ITIH4: variants seen among roughly 807,000 people sequenced by gnomAD.
ITIH4 encodes inter-alpha-trypsin inhibitor heavy chain H4.
Under a neutral mutation model 111.8 loss-of-function variants are expected in ITIH4, and 79 were observed. That is an observed-to-expected ratio of 0.71 (90% CI 0.59 to 0.85). The LOEUF (loss-of-function observed/expected upper bound fraction) is 0.85, where lower values mean the gene tolerates loss of function less well. Among genes scored for constraint, ITIH4 ranks in the 40% least tolerant of loss-of-function variants. The pLI is 0.00. For missense variants in ITIH4, 1,065 were observed against 1,195.8 expected, an observed-to-expected ratio of 0.89 and a Z score of 1.61; for synonymous variants, 472 against 468.3, an observed-to-expected ratio of 1.01 and a Z score of -0.10.
At chr3:52,820,443 AG>A (rs1220495567) in intron 13 of ITIH4, 126 bp from the exon 14 acceptor site, 2 of 1,201,958 alleles carry the variant, frequency 1.7e-6, no homozygotes, top group East Asian at 2.5e-5. Flanking sequence ...ACTATATCGT[AG>A]GTGCAATGAA....
Position 52,829,261 on chromosome 3 carries a change from T to C in ITIH4, c.109A>G (p.Ser37Gly). The change falls in exon 2 of 24, where the codon AGC (serine) becomes GGC (glycine). Residue 37 changes from serine (S) to glycine (G), a missense_variant. By Grantham distance (56) the Ser-to-Gly change is moderately conservative (BLOSUM62 0). Transcript: ENST00000266041. Reference sequence around the variant, plus strand: ...GAGACCCTGGAGTCCACGGTGAGGCTGTAGATGTCGATGCCATTCTGGACC... The same window carrying C: ...GAGACCCTGGAGTCCACGGTGAGGCCGTAGATGTCGATGCCATTCTGGACC... ...TAEKNGIDIY[S>G]LTVDSRVSSR... 2.5e-6 allele frequency: 4 copies of C among 1,611,384 alleles called. No homozygotes were observed. In the South Asian group the frequency reaches 3.3e-5, roughly 13 times the overall value.
At chr3:52,828,778 G>C (rs1700522734) in intron 2 of ITIH4, among the ~76,000 whole-genome samples, 1 of 152,306 alleles carries the variant, frequency 6.6e-6, no homozygotes, top group South Asian at 2.1e-4. Context: ...CTTTGAGCTG[G>C]AATGTGCATT....
At chr3:52,823,497 C>G in intron 11 of ITIH4, 59 bp downstream of exon 11, 1 of 1,447,654 alleles carries the variant, frequency 6.9e-7, no homozygotes, top group South Asian at 1.3e-5. Context: ...AGTCCAGCCC[C>G]TCTGGCTGCA....
chr3:52,825,370 G>A (rs1197351599), intron 6 of ITIH4: 1 of 154,604 alleles, frequency 6.5e-6, no homozygotes. Context: ...GGGAGGCTTA[G>A]GTGGGAGGAT....
Position 52,818,138 on chromosome 3 carries a change from G to A in ITIH4, c.2210C>T (p.Pro737Leu), listed in dbSNP as rs774518398. The A allele has an allele frequency of 2.5e-6, 4 of 1,613,202 alleles. No homozygotes were observed. Among genetic ancestry groups the A allele is most frequent in the Non-Finnish European group, 3.4e-6 (4 of 1,179,582 alleles). Residue 737 changes from proline to leucine, a missense_variant, in exon 20 of 24, where the codon CCA becomes CTA. Transcript: ENST00000266041. ...APIQAPSAIL[P>L]LPGQSVERLC... is the part of the protein sequence containing the mutation. ...CCGCTCCACACTCTGCCCAGGCAGT[G>A]GCAGGATGGCAGAGGGAGCCTGTAT... is the stretch of plus-strand genomic sequence containing the variant.
rs1700458288 is a variant in ITIH4, at chr3:52,824,878, G to A, written c.840C>T (p.Asp280=). 2 of 1,614,084 alleles carry A rather than the reference G, an allele frequency of 1.2e-6. No individual in the cohort carries two copies. The highest frequency in any genetic ancestry group is 2.7e-5 in the African/African-American group (2 of 75,060). ...TCCTGCCACTCATGGAGCCGCTCTT[G>A]TCAATGACAAAGACCACATTCTTGG... ...TMPKNVVFVI[D]KSGSMSGRKI... The change falls in exon 7 of 24, where the codon GAC becomes GAT. Residue 280 remains aspartate, a synonymous_variant. Transcript: ENST00000266041. The surrounding 1 kb of genome is among the most constrained non-coding windows in gnomAD (Gnocchi z 4.3).
Position 52,818,118 on chromosome 3 carries a change from C to G in ITIH4, c.2230G>C (p.Glu744Gln), listed in dbSNP as rs759559005. The G allele has an allele frequency of 1.9e-6, 3 of 1,613,884 alleles. No homozygotes were observed. The South Asian group carries it at 3.3e-5, about 18-fold the overall frequency. ...TGTCTGGGGTCCACACAGAGCCGCT[C>G]CACACTCTGCCCAGGCAGTGGCAGG... ...AILPLPGQSV[E>Q]RLCVDPRHRQ... Residue 744 changes from glutamate (E) to glutamine (Q), a missense_variant, in exon 20 of 24, where the codon GAG becomes CAG. Physicochemically the swap from Glu to Gln is conservative, Grantham distance 29 (BLOSUM62 2). Transcript: ENST00000266041.
At chr3:52,817,529 C>G (rs964697293) in intron 20 of ITIH4, among the ~76,000 whole-genome samples, 1 of 152,244 alleles carries the variant, frequency 6.6e-6, no homozygotes, top group African/African-American at 2.4e-5. Context: ...CTGGGCGGTG[C>G]GGGGGTGAGC....
Position 52,826,536 on chromosome 3 carries a change from C to T in ITIH4, c.630+5G>A. ...ACCCTCACCTGCTGACCACAACAGG[C>T]CCACCTTGGTCTTATTCTGCCAGGT... On this transcript the variant is annotated splice_donor_5th_base_variant and intron_variant, in intron 5 of 23. Transcript: ENST00000266041. 1 of 1,608,146 alleles carries T rather than the reference C, an allele frequency of 6.2e-7. No homozygotes were observed. The highest frequency in any genetic ancestry group is 8.5e-7 in the Non-Finnish European group (1 of 1,174,644).
At chr3:52,817,936 T>A in intron 20 of ITIH4, 116 bp downstream of exon 20, 1 of 815,674 alleles carries the variant, frequency 1.2e-6, no homozygotes, top group Non-Finnish European at 2.1e-6. Context: ...AGGACCATGC[T>A]ATGATCTGGG....
In ITIH4 at chr3:52,817,017, A is replaced by G; in HGVS notation, c.2338T>C (p.Phe780Leu). 1 of 1,613,640 alleles carries G rather than the reference A, an allele frequency of 6.2e-7. No individual in the cohort carries two copies. Among genetic ancestry groups the G allele is most frequent in the Non-Finnish European group, 8.5e-7 (1 of 1,179,834 alleles). ...TGQYEREKAG[F>L]SWIEVTFKNP... The stretch of plus-strand genomic sequence containing the variant: ...TTGAAGGTCACTTCGATCCATGAGA[A>G]CCCAGCCTTCTCCCTCTCATACTGG... The change falls in exon 21 of 24, where the codon TTC becomes CTC. Residue 780 changes from phenylalanine (F) to leucine (L), a missense_variant. Phe to Leu is a conservative substitution (Grantham distance 22). Coordinates refer to ENST00000266041, the MANE Select transcript of ITIH4 (RefSeq NM_002218.5).
At position 52,819,753 on chromosome 3, in the gene ITIH4, C is replaced by G; in HGVS notation, c.1951+1G>C. On this transcript the variant is annotated splice_donor_variant, in intron 16 of 23. Coordinates refer to ENST00000266041, the MANE Select transcript of ITIH4 (RefSeq NM_002218.5). LOFTEE classifies it high-confidence loss of function. ...CCCCCTGGCAGAAACCCTCAAACTA[C>G]CTTGTCTATTCCATCCTCTTCTTGG... 6.2e-7 allele frequency: 1 copy of G among 1,614,084 alleles called. No homozygotes were observed. The highest frequency in any genetic ancestry group is 8.5e-7 in the Non-Finnish European group (1 of 1,179,968).
chr3:52,820,725 A>C lies in ITIH4; in HGVS notation c.1740T>G (p.Leu580=). The C allele has an allele frequency of 6.2e-7, 1 of 1,614,132 alleles. No homozygotes were observed. The highest frequency in any genetic ancestry group is 8.5e-7 in the Non-Finnish European group (1 of 1,180,002). ...ALRNQALNLS[L]AYSFVTPLTS... ...TGAGAGGCGTGACAAAGCTGTAGGC[A>C]AGTGATAAATTCAGCGCTTGGTTCC... Residue 580 remains leucine, a synonymous_variant, in exon 13 of 24, where the codon CTT becomes CTG. Transcript: ENST00000266041.
chr3:52,820,058 C>T, intron 14 of ITIH4, 68 bp from the exon 15 acceptor site: 1 of 1,529,662 alleles, frequency 6.5e-7, no homozygotes, highest in South Asian at 1.1e-5. Flanking sequence ...TGGATGGGGA[C>T]TGTATTCTTA....
chr3:52,830,362 C>G (rs1020981721), intron 1 of ITIH4, 191 bp downstream of exon 1: 1 of 689,344 alleles, frequency 1.5e-6, no homozygotes, highest in South Asian at 1.5e-5. Flanking sequence ...TGGATCATCC[C>G]CTCTATTAGG....
At position 52,826,800 on chromosome 3, in the gene ITIH4, C is replaced by T. The variant is rs2276816; in HGVS notation, c.510G>A (p.Lys170=). 165,002 of 1,613,660 alleles carry T rather than the reference C, an allele frequency of 0.1. 9,328 individuals are homozygous for T. The highest frequency in any genetic ancestry group is 0.11 in the Admixed American group (6,854 of 60,024). Residue 170 remains lysine (K), a synonymous_variant, in exon 4 of 24, where the codon AAG becomes AAA. Transcript: ENST00000266041. ...AGGTAGCAGCAGGTACCTGCAGGTGCTTGACCAGCTGCTGGGGCCGCACTT... is the reference window on the plus strand; with the variant it reads ...AGGTAGCAGCAGGTACCTGCAGGTGTTTGACCAGCTGCTGGGGCCGCACTT... The part of the protein sequence containing the change: ...LLKVRPQQLV[K]HLQMDIHIFE...
chr3:52,820,388 C>G (rs1287071473), intron 13 of ITIH4, 71 bp from the exon 14 acceptor site: 1 of 1,533,118 alleles, frequency 6.5e-7, no homozygotes, highest in African/African-American at 1.4e-5. Flanking sequence ...GGGTGGTTTT[C>G]ATCAATTTGA....
intron 6 of ITIH4, chr3:52,825,189 CTTCT>C (rs1700463058): frequency 2.8e-6 from 1 of 359,550 alleles, no homozygotes; most frequent in African/African-American, 2.1e-5. Context: ...GCAACTTTTC[CTTCT>C]ATTTGTTTTA....
chr3:52,822,163 G>C (rs1700393285), intron 11 of ITIH4: 1 of 152,146 alleles, frequency 6.6e-6, no homozygotes, highest in Admixed American at 6.5e-5. Flanking sequence ...CTAACAAGGT[G>C]AAACTCCCTT....
Sources: allele counts gnomAD v4.1 joint callset (sites outside exome capture counted in the v4.1 genomes callset), GRCh38; gene constraint gnomAD v4.1.1; non-coding constraint Gnocchi (gnomAD v3.1); transcripts MANE v1.5; gene names NCBI Gene and HGNC (gene_info 2026-07-23, HGNC 2026-07-21).